Variants in GLIS3 observed in about 807,000 individuals in gnomAD.
GLIS3 encodes GLIS family zinc finger 3.
A neutral mutation model predicts 78.6 loss-of-function variants in GLIS3; 53 were observed. The observed-to-expected ratio is 0.67, with a 90% CI of 0.54 to 0.85. The LOEUF (loss-of-function observed/expected upper bound fraction) is 0.85, where lower values mean the gene tolerates loss of function less well. Ranked by LOEUF, GLIS3 falls within the 40% of genes least tolerant of loss-of-function variation. GLIS3 has a pLI of 0.00. For missense variants in GLIS3, 1,703 were observed against 1,231.1 expected (o/e 1.38, Z -5.74); for synonymous variants, 684 against 509.9 (o/e 1.34, Z -4.60).
At chr9:4,204,870 T>A (rs1368714496) in intron 2 of GLIS3, among the ~76,000 whole-genome samples, 2 of 146,286 alleles carry the variant, frequency 1.4e-5, no homozygotes, top group African/African-American at 2.5e-5. Flanking sequence ...GCCAAGATCA[T>A]ACCACTGCAC....
At chr9:3,905,145 TTTC>T (rs1362121999) in intron 6 of GLIS3, among the ~76,000 whole-genome samples, 13 of 135,462 alleles carry the variant, frequency 9.6e-5, no homozygotes, top group African/African-American at 3.0e-4. Context: ...GTTAAATTTT[TTTC>T]TTTTTTTTTT....
At chr9:4,096,158 T>TA (rs947972867) in intron 4 of GLIS3, among the ~76,000 whole-genome samples, 5 of 152,144 alleles carry the variant, frequency 3.3e-5, no homozygotes, top group Non-Finnish European at 7.4e-5. Context: ...AGTTCACATT[T>TA]AAAAAAACAA....
In GLIS3 at chr9:4,196,127, T is replaced by C. The variant is rs140955907; in HGVS notation, c.389-70186A>G. Among the ~76,000 whole-genome samples, 565 of 152,138 alleles carry C rather than the reference T, an allele frequency of 3.7e-3. 2 individuals are homozygous for C. Among genetic ancestry groups the C allele is most frequent in the South Asian group, 0.019 (91 of 4,820 alleles). On this transcript the variant is annotated intron_variant, in intron 2 of 10. Coordinates refer to ENST00000381971, the MANE Select transcript of GLIS3 (RefSeq NM_001042413.2). ...TAAATGCACTAATCAGTGCTCTGTG[T>C]CTAGCTAATCTAGTGGGGACTTGGA...
chr9:4,267,944 C>CGTGTGTGT (rs757545130), intron 2 of GLIS3, among the ~76,000 whole-genome samples: 1,603 of 149,986 alleles, frequency 0.011, 9 homozygotes, highest in East Asian at 0.017. Context: ...TATAAAAATA[C>CGTGTGTGT]CTGTGTGTGT....
At chr9:4,455,598 A>G in the GLIS3 span, among the ~76,000 whole-genome samples, 1 of 152,090 alleles carries the variant, frequency 6.6e-6, no homozygotes, top group Non-Finnish European at 1.5e-5. Flanking sequence ...ACATTGTAGG[A>G]TTTCTCCAGT....
At chr9:4,070,480 CTGTGTGTGTGCATGTGCGTAAGTATTTG>C (rs1827495986) in intron 4 of GLIS3, among the ~76,000 whole-genome samples, 1 of 151,904 alleles carries the variant, frequency 6.6e-6, no homozygotes, top group Non-Finnish European at 1.5e-5. Flanking sequence ...GGTGGTTACT[CTGTGTGTGTGCATGTGCGTAAGTATTTG>C]TGTGTGTGTG....
intron 1 of GLIS3, among the ~76,000 whole-genome samples, chr9:4,288,329 C>T (rs887642069): frequency 3.9e-5 from 6 of 151,940 alleles, no homozygotes; most frequent in African/African-American, 7.3e-5. Flanking sequence ...ACCCACCCCC[C>T]GCCAAAAAAA....
chr9:3,901,822 T>C (rs927505546), intron 6 of GLIS3, among the ~76,000 whole-genome samples: 1 of 152,176 alleles, frequency 6.6e-6, no homozygotes, highest in Non-Finnish European at 1.5e-5. Context: ...CTTTGGAAGG[T>C]ATGTTTGTTA....
intron 2 of GLIS3, among the ~76,000 whole-genome samples, chr9:4,319,642 G>C (rs962142413): frequency 1.3e-5 from 2 of 151,774 alleles, no homozygotes; most frequent in African/African-American, 4.8e-5. Flanking sequence ...TGATCCTCCT[G>C]CCTCACCCTC....
the GLIS3 span, among the ~76,000 whole-genome samples, chr9:4,397,326 T>C: frequency 0.051 from 7,663 of 151,436 alleles, 264 homozygotes; most frequent in South Asian, 0.092. Context: ...CACCCTGCCG[T>C]CAATCCATTA....
At chr9:4,171,398 T>C (rs916387021) in intron 2 of GLIS3, among the ~76,000 whole-genome samples, 17 of 152,276 alleles carry the variant, frequency 1.1e-4, no homozygotes, top group Non-Finnish European at 8.8e-5. Context: ...ACCTATCACA[T>C]TCTGTTCTCC....
the GLIS3 span, among the ~76,000 whole-genome samples, chr9:4,428,123 G>T: frequency 6.6e-6 from 1 of 152,024 alleles, no homozygotes; most frequent in East Asian, 1.9e-4. Flanking sequence ...GGAGTTTCAG[G>T]TGGCAATATG....
chr9:4,335,777 C>T (rs1270070565), intron 2 of GLIS3, among the ~76,000 whole-genome samples: 3 of 152,148 alleles, frequency 2.0e-5, no homozygotes, highest in African/African-American at 7.2e-5. Context: ...CCCCTGGGTC[C>T]CTTGCCCTAC....
the GLIS3 span, among the ~76,000 whole-genome samples, chr9:4,414,535 A>G: frequency 1.3e-5 from 2 of 152,196 alleles, no homozygotes; most frequent in South Asian, 4.1e-4. Context: ...GATTATACCT[A>G]TATAATGCTG....
rs553198034 is a variant in GLIS3, at chr9:3,949,607, G to A, written c.1711-12418C>T. ...ACAAAACTTGGCCCTCCTTAGGTGC[G>A]TACTTAGCTTACCTTTTCTTCAAAG... On this transcript the variant is annotated intron_variant, in intron 4 of 10. Coordinates refer to ENST00000381971, the MANE Select transcript of GLIS3 (RefSeq NM_001042413.2). 1.8e-4 allele frequency among the ~76,000 whole-genome samples: 27 copies of A among 152,258 alleles called. No individual in the cohort carries two copies. The South Asian group carries it at 4.1e-3, about 23-fold the overall frequency.
the GLIS3 span, among the ~76,000 whole-genome samples, chr9:4,425,369 T>G: frequency 6.6e-6 from 1 of 152,308 alleles, no homozygotes. Context: ...CACAGCTATT[T>G]CCATGAATCA....
chr9:4,452,483 T>A, the GLIS3 span, among the ~76,000 whole-genome samples: 1 of 152,190 alleles, frequency 6.6e-6, no homozygotes, highest in Non-Finnish European at 1.5e-5. Flanking sequence ...AGTCTCGGGA[T>A]ACAAACTCAA....
chr9:4,049,219 G>C (rs1825505305), intron 4 of GLIS3, among the ~76,000 whole-genome samples: 1 of 151,306 alleles, frequency 6.6e-6, no homozygotes, highest in Non-Finnish European at 1.5e-5. Flanking sequence ...GCTTCAGCCA[G>C]TGTACTGCTT....
At chr9:4,408,459 T>G in the GLIS3 span, among the ~76,000 whole-genome samples, 2 of 150,948 alleles carry the variant, frequency 1.3e-5, no homozygotes, top group South Asian at 2.1e-4. Flanking sequence ...GCCGGGCACC[T>G]TGGCTCAGCC....
Sources: gnomAD v4.1 joint callset for allele counts (sites outside exome capture counted in the v4.1 genomes callset) on GRCh38, gnomAD v4.1.1 for gene constraint, MANE v1.5 for transcripts, NCBI Gene and HGNC (gene_info 2026-07-23, HGNC 2026-07-21) for gene names.